Variants in CYRIB observed in about 807,000 individuals in gnomAD.
The protein encoded by CYRIB is CYFIP-related Rac1 interactor B.
In CYRIB, 8 loss-of-function variants were observed where a neutral mutation model predicts 44.2. That is an observed-to-expected ratio of 0.18 (90% CI 0.11 to 0.33). The LOEUF (loss-of-function observed/expected upper bound fraction) is 0.33. Among genes scored for constraint, CYRIB ranks in the 10% least tolerant of loss-of-function variants. CYRIB has a pLI of 1.00. For synonymous variants in CYRIB, 131 were observed against 127.2 expected, an observed-to-expected ratio of 1.03 and a Z score of -0.20; for missense variants, 185 against 382.8, an observed-to-expected ratio of 0.48 and a Z score of 4.31.
intron 2 of CYRIB, among the ~76,000 whole-genome samples, chr8:129,897,025 C>G (rs2068429407): frequency 6.6e-6 from 1 of 152,160 alleles, no homozygotes; most frequent in East Asian, 1.9e-4. Flanking sequence ...CCCTTAATTT[C>G]TGGGGTTGAC....
At chr8:129,991,133 G>GAAAAAAAAAAAAAAAAAAAAAAAA (rs35682865) in intron 1 of CYRIB, among the ~76,000 whole-genome samples, 2 of 67,766 alleles carry the variant, frequency 3.0e-5, no homozygotes, top group African/African-American at 5.4e-5. Context: ...CTCTGTCTCA[G>GAAAAAAAAAAAAAAAAAAAAAAAA]AAAAAAAAAA....
At chr8:129,949,990 C>G (rs1193758994) in intron 2 of CYRIB, among the ~76,000 whole-genome samples, 1 of 152,132 alleles carries the variant, frequency 6.6e-6, no homozygotes, top group Non-Finnish European at 1.5e-5. Context: ...TTGCCAATTC[C>G]AACTGTCTTT....
chr8:129,904,363 G>C (rs1365331508), intron 1 of CYRIB, 136 bp downstream of exon 3: 2 of 152,084 alleles, frequency 1.3e-5, no homozygotes, highest in East Asian at 3.9e-4. Context: ...GGCAACCCTT[G>C]ACCAACGAGA....
At position 129,960,949 on chromosome 8, in the gene CYRIB, C is replaced by CAA. The variant is rs35845303; in HGVS notation, c.-243+9992_-243+9993dup. On this transcript the variant is annotated intron_variant, in intron 2 of 14. Transcript: ENST00000401979. Reference sequence around the variant, plus strand: ...TGGGCGACAGAGCAAGACTCAGTCTCAAAAAAAAAAAAAAAAGAAAGAAAG... The same window carrying CAA: ...TGGGCGACAGAGCAAGACTCAGTCTCAAAAAAAAAAAAAAAAAAGAAAGAAAG... 4.6e-3 allele frequency among the ~76,000 whole-genome samples: 468 copies of CAA among 102,764 alleles called. 1 individual carries two copies. The highest frequency in any genetic ancestry group is 6.7e-3 in the Non-Finnish European group (319 of 47,942). 67.4% of individuals were successfully genotyped at this position (102,764 alleles called of 152,430 possible).
At chr8:129,954,707 T>A (rs1259640603) in intron 2 of CYRIB, among the ~76,000 whole-genome samples, 1 of 152,182 alleles carries the variant, frequency 6.6e-6, no homozygotes, top group African/African-American at 2.4e-5. Flanking sequence ...CCCCCAGTCA[T>A]GAACTCTGGA....
chr8:129,865,326 T>C (rs911539114), intron 4 of CYRIB, among the ~76,000 whole-genome samples: 20 of 152,244 alleles, frequency 1.3e-4, no homozygotes, highest in African/African-American at 4.3e-4. Context: ...ATGTGATTAA[T>C]CTTACAGCTT....
chr8:130,011,953 C>A (rs1004598751), intron 1 of CYRIB, among the ~76,000 whole-genome samples: 1 of 152,092 alleles, frequency 6.6e-6, no homozygotes, highest in South Asian at 2.1e-4. Context: ...AGAAAGCTCT[C>A]TTCCCTCATT....
chr8:130,011,474 T>C (rs2097212945), intron 1 of CYRIB, among the ~76,000 whole-genome samples: 1 of 150,322 alleles, frequency 6.7e-6, no homozygotes, highest in East Asian at 2.0e-4. Context: ...TGAGCTGAGA[T>C]CATGCCATTG....
chr8:129,914,731 C>T (rs944878389), intron 1 of CYRIB, among the ~76,000 whole-genome samples: 15 of 152,268 alleles, frequency 9.9e-5, no homozygotes, highest in Admixed American at 3.3e-4. Flanking sequence ...TATGTTTTGA[C>T]GAAAATTTCT....
intron 1 of CYRIB, among the ~76,000 whole-genome samples, chr8:129,910,994 AT>A (rs1349752131): frequency 1.3e-5 from 2 of 152,052 alleles, no homozygotes; most frequent in African/African-American, 4.8e-5. Flanking sequence ...GAGGCCAGCT[AT>A]TTTTTCCTCC....
intron 1 of CYRIB, among the ~76,000 whole-genome samples, chr8:129,913,161 CAG>C (rs2078941176): frequency 6.6e-6 from 1 of 151,892 alleles, no homozygotes; most frequent in Admixed American, 6.6e-5. Context: ...TTAGTAGAGA[CAG>C]GGTTTCACCG....
At chr8:129,854,632 T>C (rs991543095) in intron 6 of CYRIB, among the ~76,000 whole-genome samples, 2 of 152,236 alleles carry the variant, frequency 1.3e-5, no homozygotes, top group Admixed American at 6.5e-5. Context: ...AAGGACTGTT[T>C]AGGCACTTGT....
chr8:129,990,243 TATAC>T (rs1564661769), intron 1 of CYRIB, among the ~76,000 whole-genome samples: 1 of 152,210 alleles, frequency 6.6e-6, no homozygotes, highest in Non-Finnish European at 1.5e-5. Flanking sequence ...ATGCATGTTT[TATAC>T]ATACAAACAT....
intron 1 of CYRIB, among the ~76,000 whole-genome samples, chr8:129,923,563 C>T (rs1589898914): frequency 6.6e-6 from 1 of 152,150 alleles, no homozygotes; most frequent in Non-Finnish European, 1.5e-5. Context: ...GTGTGAGTCA[C>T]TGCACCCGGC....
chr8:129,937,719 C>CA (rs2093060868), intron 1 of CYRIB, among the ~76,000 whole-genome samples: 1 of 152,136 alleles, frequency 6.6e-6, no homozygotes, highest in Non-Finnish European at 1.5e-5. Flanking sequence ...TCTTGGGAGA[C>CA]AAAAATCTAG....
intron 1 of CYRIB, among the ~76,000 whole-genome samples, chr8:129,937,132 AT>A (rs2092956791): frequency 6.6e-6 from 1 of 152,262 alleles, no homozygotes; most frequent in Non-Finnish European, 1.5e-5. Flanking sequence ...TGACCTTGCC[AT>A]TAACTCAATT....
chr8:129,994,860 T>C (rs908296688), intron 1 of CYRIB, among the ~76,000 whole-genome samples: 1 of 152,226 alleles, frequency 6.6e-6, no homozygotes, highest in Non-Finnish European at 1.5e-5. Flanking sequence ...TCACAGGACG[T>C]CTGCTGCAGA....
chr8:129,878,041 A>C (rs1417016884), intron 3 of CYRIB, among the ~76,000 whole-genome samples: 1 of 152,226 alleles, frequency 6.6e-6, no homozygotes, highest in Non-Finnish European at 1.5e-5. Context: ...AGCTGATTAA[A>C]AGTCATGCTA....
chr8:129,845,580 T>C (rs1438667257), intron 11 of CYRIB, among the ~76,000 whole-genome samples: 1 of 152,246 alleles, frequency 6.6e-6, no homozygotes, highest in Admixed American at 6.5e-5. Context: ...AGCTACCGCT[T>C]ATGCAACACT....
Sources: allele counts gnomAD v4.1 joint callset (sites outside exome capture counted in the v4.1 genomes callset), GRCh38; gene constraint gnomAD v4.1.1; transcripts MANE v1.5; gene names NCBI Gene and HGNC (gene_info 2026-07-23, HGNC 2026-07-21).